The following NLGN1 variants were observed in gnomAD, a reference collection of about 807,000 sequenced individuals.
The protein encoded by NLGN1 is neuroligin 1.
In NLGN1, 12 loss-of-function variants were observed where a neutral mutation model predicts 65.5. The ratio of observed to expected loss-of-function variants is 0.18; its 90% CI spans 0.12 to 0.30. NLGN1 has a LOEUF of 0.30. Among genes scored for constraint, NLGN1 ranks in the 10% least tolerant of loss-of-function variants. The pLI, the probability that NLGN1 is intolerant of heterozygous loss-of-function variation, is 1.00. For synonymous variants in NLGN1, 350 were observed against 359.5 expected (o/e 0.97, Z 0.30); for missense variants, 750 against 1,007.1 (o/e 0.74, Z 3.46).
intron 4 of NLGN1, among the ~76,000 whole-genome samples, chr3:173,869,828 A>AT (rs932193320): frequency 6.6e-6 from 1 of 151,808 alleles, no homozygotes; most frequent in Non-Finnish European, 1.5e-5. Context: ...TTTGACTGAA[A>AT]TTTTTTTTTG....
At chr3:173,930,156 G>C (rs550578089) in intron 4 of NLGN1, among the ~76,000 whole-genome samples, 39 of 152,172 alleles carry the variant, frequency 2.6e-4, no homozygotes, top group Non-Finnish European at 4.3e-4. Flanking sequence ...TATAAATGAT[G>C]AATGTTTTAG....
intron 3 of NLGN1, among the ~76,000 whole-genome samples, chr3:173,706,912 G>A (rs948432135): frequency 6.6e-6 from 1 of 152,098 alleles, no homozygotes; most frequent in Non-Finnish European, 1.5e-5. Context: ...TTTATTTTTC[G>A]ATATTCAACT....
At chr3:173,908,825 T>C (rs1226445399) in intron 4 of NLGN1, among the ~76,000 whole-genome samples, 2 of 152,218 alleles carry the variant, frequency 1.3e-5, no homozygotes, top group Non-Finnish European at 2.9e-5. Flanking sequence ...TTTTCTTTCA[T>C]TTTGAATTCT....
intron 4 of NLGN1, among the ~76,000 whole-genome samples, chr3:174,218,669 A>G (rs748076448): frequency 3.3e-5 from 5 of 152,098 alleles, no homozygotes; most frequent in South Asian, 2.1e-4. Context: ...CCTCTCTGGA[A>G]AATTGCATCA....
intron 4 of NLGN1, among the ~76,000 whole-genome samples, chr3:174,241,880 G>T (rs532804439): frequency 2.6e-5 from 4 of 151,944 alleles, no homozygotes; most frequent in African/African-American, 4.8e-5. Flanking sequence ...GGATGGTCTC[G>T]ATCTCCTGAC....
At chr3:174,034,186 A>C (rs535759064) in intron 4 of NLGN1, among the ~76,000 whole-genome samples, 1 of 152,152 alleles carries the variant, frequency 6.6e-6, no homozygotes, top group South Asian at 2.1e-4. Context: ...AGAGAGAAAA[A>C]CCTCATAAAT....
At chr3:173,918,658 A>G (rs920322538) in intron 4 of NLGN1, among the ~76,000 whole-genome samples, 1 of 84,600 alleles carries the variant, frequency 1.2e-5, no homozygotes, top group Non-Finnish European at 2.3e-5. Flanking sequence ...AAAGAAATAC[A>G]TATGTGTGTG....
chr3:173,516,801 A>G (rs1215805453), intron 2 of NLGN1, among the ~76,000 whole-genome samples: 1 of 152,104 alleles, frequency 6.6e-6, no homozygotes, highest in Non-Finnish European at 1.5e-5. Context: ...GAAGTGAAAG[A>G]GTATTAGCAG....
intron 2 of NLGN1, among the ~76,000 whole-genome samples, chr3:173,546,351 G>A (rs9833723): frequency 0.56 from 84,755 of 151,822 alleles, 23,555 homozygotes; most frequent in East Asian, 0.8. Context: ...TTCCCGTACC[G>A]TGAACCATCT....
intron 3 of NLGN1, among the ~76,000 whole-genome samples, chr3:173,777,627 GTCTGTCTA>G (rs1460105663): frequency 5.9e-4 from 7 of 11,890 alleles, no homozygotes; most frequent in South Asian, 4.2e-3. Flanking sequence ...CTGTCTGTCT[GTCTGTCTA>G]TCTATCTATC....
chr3:173,946,289 C>T (rs540032840), intron 4 of NLGN1, among the ~76,000 whole-genome samples: 18 of 152,074 alleles, frequency 1.2e-4, no homozygotes, highest in Middle Eastern at 3.4e-3. Context: ...TTTCTTTGGG[C>T]ATTTAGATAA....
intron 2 of NLGN1, among the ~76,000 whole-genome samples, chr3:173,443,542 G>A (rs1719621154): frequency 6.6e-6 from 1 of 151,986 alleles, no homozygotes; most frequent in Admixed American, 6.6e-5. Context: ...TATATTGTAT[G>A]TGCAGTATCA....
chr3:174,215,584 GAAGATAT>G (rs1737443347), intron 4 of NLGN1, among the ~76,000 whole-genome samples: 1 of 152,182 alleles, frequency 6.6e-6, no homozygotes, highest in African/African-American at 2.4e-5. Flanking sequence ...CAGGCGGAGA[GAAGATAT>G]TCGAGTGATG....
intron 3 of NLGN1, among the ~76,000 whole-genome samples, chr3:173,796,375 G>A (rs761639661): frequency 1.3e-5 from 2 of 151,942 alleles, no homozygotes; most frequent in South Asian, 2.1e-4. Flanking sequence ...AGAATGCATC[G>A]CACGTCCTTT....
intron 4 of NLGN1, among the ~76,000 whole-genome samples, chr3:174,196,945 T>C (rs1733534357): frequency 6.6e-6 from 1 of 152,182 alleles, no homozygotes; most frequent in African/African-American, 2.4e-5. Flanking sequence ...GTGGTAGAAG[T>C]AGGGCTTAAC....
intron 4 of NLGN1, among the ~76,000 whole-genome samples, chr3:174,131,870 A>T (rs1421902534): frequency 3.3e-5 from 5 of 152,194 alleles, no homozygotes; most frequent in Admixed American, 3.3e-4. Flanking sequence ...TTCTTAAATG[A>T]GGCACTAGAA....
intron 4 of NLGN1, among the ~76,000 whole-genome samples, chr3:174,013,648 A>G (rs1208677042): frequency 6.6e-6 from 1 of 152,146 alleles, no homozygotes; most frequent in East Asian, 1.9e-4. Flanking sequence ...ACCAGAGAAA[A>G]CATTAGATAA....
chr3:173,807,557 A>G, intron 3 of NLGN1, 123 bp from the exon 4 acceptor site: 1 of 1,044,852 alleles, frequency 9.6e-7, no homozygotes, highest in Middle Eastern at 2.1e-4. Flanking sequence ...CTTTAATAAA[A>G]ACAGCAGTTT....
At chr3:174,234,035 G>T (rs964010157) in intron 4 of NLGN1, among the ~76,000 whole-genome samples, 1 of 151,998 alleles carries the variant, frequency 6.6e-6, no homozygotes, top group African/African-American at 2.4e-5. Context: ...CCTATTTTAA[G>T]TTCCATGTGA....
Sources: gnomAD v4.1 joint callset for allele counts (sites outside exome capture counted in the v4.1 genomes callset) on GRCh38, gnomAD v4.1.1 for gene constraint, MANE v1.5 for transcripts, NCBI Gene and HGNC (gene_info 2026-07-23, HGNC 2026-07-21) for gene names.